DMD: variants seen among roughly 807,000 people sequenced by gnomAD.
DMD encodes the protein dystrophin, also known as mutant dystrophin.
Under a neutral mutation model 330.1 loss-of-function variants are expected in DMD, and 63 were observed. That is an observed-to-expected ratio of 0.19 (90% CI 0.16 to 0.24). The LOEUF (loss-of-function observed/expected upper bound fraction) is 0.24. Among genes scored for constraint, DMD ranks in the 10% least tolerant of loss-of-function variants. DMD has a pLI of 1.00. For synonymous variants in DMD, 1,223 were observed against 959.8 expected, an observed-to-expected ratio of 1.27 and a Z score of -5.07; for missense variants, 3,344 against 2,684.1, an observed-to-expected ratio of 1.25 and a Z score of -5.43.
At chrX:32,653,462 A>C (rs1285142651) in intron 9 of DMD, among the ~76,000 whole-genome samples, 1 of 111,805 alleles carries the variant, frequency 8.9e-6, no homozygotes, top group African/African-American at 3.3e-5. Flanking sequence ...AAGATCAGAT[A>C]GTAGTAGATA....
At chrX:31,915,068 G>C (rs960993556) in intron 47 of DMD, among the ~76,000 whole-genome samples, 3 of 112,283 alleles carry the variant, frequency 2.7e-5, no homozygotes, top group Non-Finnish European at 5.6e-5. Context: ...ATTGGTTGTG[G>C]TAGGAGCAGA....
intron 44 of DMD, among the ~76,000 whole-genome samples, chrX:32,133,575 C>T (rs957083904): frequency 9.0e-6 from 1 of 111,072 alleles, no homozygotes; most frequent in Non-Finnish European, 1.9e-5. Context: ...TTAATGCCTC[C>T]CTAATCGCCC....
chrX:33,068,807 G>A (rs187439623), intron 1 of DMD, among the ~76,000 whole-genome samples: 2 of 112,476 alleles, frequency 1.8e-5, no homozygotes, highest in East Asian at 5.6e-4. Flanking sequence ...TTAGGTATGG[G>A]AGGTGAAAGA....
chrX:32,939,183 C>T (rs2090220985), intron 2 of DMD, among the ~76,000 whole-genome samples: 1 of 97,851 alleles, frequency 1.0e-5, no homozygotes, highest in Non-Finnish European at 2.1e-5. Flanking sequence ...ACCAAATAAT[C>T]TTCTAAATAT....
At chrX:32,654,194 A>G (rs1390462049) in intron 9 of DMD, among the ~76,000 whole-genome samples, 1 of 111,396 alleles carries the variant, frequency 9.0e-6, no homozygotes, top group African/African-American at 3.3e-5. Context: ...TATGTTGAAT[A>G]GGAGTGGTGA....
intron 44 of DMD, among the ~76,000 whole-genome samples, chrX:32,165,423 T>C (rs1220001918): frequency 8.9e-6 from 1 of 112,732 alleles, no homozygotes; most frequent in Admixed American, 9.3e-5. Flanking sequence ...GATTTTGGAC[T>C]GGCTTGGGGC....
intron 67 of DMD, among the ~76,000 whole-genome samples, chrX:31,183,867 TTAA>T (rs780282876): frequency 9.2e-6 from 1 of 108,492 alleles, no homozygotes; most frequent in African/African-American, 3.4e-5. Context: ...CCTCCTTTTT[TTAA>T]AAAAAAAATC....
intron 44 of DMD, among the ~76,000 whole-genome samples, chrX:32,158,538 T>C (rs1299558179): frequency 8.9e-6 from 1 of 111,937 alleles, no homozygotes; most frequent in African/African-American, 3.3e-5. Flanking sequence ...TGGACCCCAC[T>C]GTGTGTAGCA....
At chrX:31,191,586 T>C (rs1005492396) in intron 67 of DMD, among the ~76,000 whole-genome samples, 3 of 111,324 alleles carry the variant, frequency 2.7e-5, no homozygotes, top group Non-Finnish European at 5.7e-5. Flanking sequence ...CGGGAGTTTC[T>C]CTGCACAAGC....
intron 1 of DMD, among the ~76,000 whole-genome samples, chrX:33,082,995 A>G (rs746900326): frequency 6.3e-5 from 7 of 111,841 alleles, no homozygotes; most frequent in Non-Finnish European, 1.3e-4. Context: ...CTATTAACCA[A>G]ACCCTTGCAG....
At chrX:33,258,482 C>T (rs1355037511) in intron 1 of DMD, among the ~76,000 whole-genome samples, 3 of 111,417 alleles carry the variant, frequency 2.7e-5, no homozygotes, top group African/African-American at 9.7e-5. Flanking sequence ...ACGTACTAAA[C>T]ATTTTGGAAT....
At chrX:32,940,124 A>C (rs191409405) in intron 2 of DMD, among the ~76,000 whole-genome samples, 1 of 112,037 alleles carries the variant, frequency 8.9e-6, no homozygotes, top group East Asian at 2.8e-4. Context: ...TTCAAACTAT[A>C]CTATAAGGCT....
chrX:31,704,367 C>T, intron 52 of DMD, among the ~76,000 whole-genome samples: 1 of 110,942 alleles, frequency 9.0e-6, no homozygotes, highest in Non-Finnish European at 1.9e-5. Flanking sequence ...AGAGACAATA[C>T]CTTGGTGAAA....
chrX:32,649,941 A>G (rs1359776315), intron 9 of DMD, among the ~76,000 whole-genome samples: 1 of 111,639 alleles, frequency 9.0e-6, no homozygotes, highest in African/African-American at 3.3e-5. Context: ...TGCTAAGCAC[A>G]TTCTAGATCC....
intron 60 of DMD, among the ~76,000 whole-genome samples, chrX:31,428,932 C>T (rs1483759474): frequency 9.0e-6 from 1 of 110,498 alleles, no homozygotes; most frequent in Non-Finnish European, 1.9e-5. Context: ...CCAGCCTGGC[C>T]AGCATGGTGA....
chrX:32,930,512 T>A (rs1033523192), intron 2 of DMD, among the ~76,000 whole-genome samples: 6 of 111,111 alleles, frequency 5.4e-5, no homozygotes, highest in African/African-American at 2.0e-4. Flanking sequence ...ATTTCCCAAC[T>A]AATCAAGACG....
At chrX:31,240,176 C>T (rs1227249650) in intron 63 of DMD, among the ~76,000 whole-genome samples, 2 of 110,521 alleles carry the variant, frequency 1.8e-5, no homozygotes, top group Non-Finnish European at 3.8e-5. Flanking sequence ...TTTTCATTCA[C>T]CATCTGTCAG....
At chrX:31,707,970 T>A (rs960395547) in intron 52 of DMD, among the ~76,000 whole-genome samples, 1 of 112,125 alleles carries the variant, frequency 8.9e-6, no homozygotes, top group Admixed American at 9.5e-5. Flanking sequence ...TCATATTTCC[T>A]GAATGTTGTT....
chrX:32,799,512 T>G (rs2076394946), intron 7 of DMD, among the ~76,000 whole-genome samples: 1 of 111,393 alleles, frequency 9.0e-6, no homozygotes, highest in Admixed American at 9.6e-5. Context: ...CCTGATTTTT[T>G]GTTTTATTCC....
Sources: gnomAD v4.1 joint callset for allele counts (sites outside exome capture counted in the v4.1 genomes callset) on GRCh38, gnomAD v4.1.1 for gene constraint, MANE v1.5 for transcripts, NCBI Gene and HGNC (gene_info 2026-07-23, HGNC 2026-07-21) for gene names.